The following SLC39A8 variants were observed in gnomAD, a reference collection of about 807,000 sequenced individuals.
The protein encoded by SLC39A8 is metal cation symporter ZIP8.
In SLC39A8, 15 loss-of-function variants were observed where a neutral mutation model predicts 40.4. That is an observed-to-expected ratio of 0.37 (90% CI 0.25 to 0.57). The LOEUF (loss-of-function observed/expected upper bound fraction) is 0.57, where lower values mean the gene tolerates loss of function less well. Ranked by LOEUF, SLC39A8 falls within the 20% of genes least tolerant of loss-of-function variation. The probability of loss-of-function intolerance (pLI) is 0.75; values close to 1 mark genes in which losing one functional copy is unlikely to be tolerated. For missense variants in SLC39A8, 472 were observed against 558.8 expected (o/e 0.84, Z 1.57); for synonymous variants, 223 against 221.6 (o/e 1.01, Z -0.06).
intron 6 of SLC39A8, among the ~76,000 whole-genome samples, chr4:102,294,802 A>G (rs1278348243): frequency 2.0e-5 from 3 of 152,132 alleles, no homozygotes; most frequent in Admixed American, 2.0e-4. Context: ...TGAATAGGAA[A>G]CATAAAAGTA....
chr4:102,343,417 A>C (rs1736025643), intron 2 of SLC39A8, among the ~76,000 whole-genome samples: 1 of 152,220 alleles, frequency 6.6e-6, no homozygotes, highest in Non-Finnish European at 1.5e-5. Context: ...TTTCCCAAAC[A>C]TCTTGGACCC....
At chr4:102,283,353 A>G (rs1227314341) in intron 6 of SLC39A8, among the ~76,000 whole-genome samples, 2 of 152,228 alleles carry the variant, frequency 1.3e-5, no homozygotes, top group South Asian at 2.1e-4. Flanking sequence ...GATACTGCTC[A>G]AGAGAATTGA....
chr4:102,263,404 G>A (rs1242952399), intron 8 of SLC39A8, among the ~76,000 whole-genome samples: 1 of 152,128 alleles, frequency 6.6e-6, no homozygotes, highest in African/African-American at 2.4e-5. Context: ...TATTAAGTGT[G>A]CAATAGCATA....
chr4:102,321,110 A>C (rs1269682029), intron 2 of SLC39A8, among the ~76,000 whole-genome samples: 1 of 152,140 alleles, frequency 6.6e-6, no homozygotes, highest in Admixed American at 6.5e-5. Context: ...TCCATCAGCA[A>C]ACTTAAATCA....
downstream of SLC39A8, among the ~76,000 whole-genome samples, chr4:102,260,003 A>G (rs771336599): frequency 6.6e-6 from 1 of 152,238 alleles, no homozygotes; most frequent in Non-Finnish European, 1.5e-5. Flanking sequence ...GTAAATAAAT[A>G]GTACTCACAG....
At chr4:102,276,712 T>C (rs1732633600) in intron 6 of SLC39A8, among the ~76,000 whole-genome samples, 1 of 152,176 alleles carries the variant, frequency 6.6e-6, no homozygotes, top group Non-Finnish European at 1.5e-5. Context: ...CTAATATCCC[T>C]GATGAACATC....
chr4:102,264,101 G>A lies in SLC39A8; in HGVS notation c.1234-908C>T, dbSNP rs374447725. ...AAATGTTCTTCATATCATCTAGAAG[G>A]ATAAGTCCTTTCTAGAAAGTTTTCA... On this transcript the variant is annotated intron_variant, in intron 8 of 8. Coordinates refer to ENST00000356736, the MANE Select transcript of SLC39A8 (RefSeq NM_001135146.2). Among the ~76,000 whole-genome samples the A allele has an allele frequency of 2.6e-5, 4 of 152,158 alleles. No individual in the cohort carries two copies. In the South Asian group the frequency reaches 8.3e-4, roughly 32 times the overall value.
chr4:102,284,703 C>T (rs2149018526), intron 6 of SLC39A8, among the ~76,000 whole-genome samples: 1 of 152,134 alleles, frequency 6.6e-6, no homozygotes, highest in South Asian at 2.1e-4. Context: ...ATCAAAGTCA[C>T]AAACACTATA....
chr4:102,328,551 T>C (rs1735314151), intron 2 of SLC39A8, among the ~76,000 whole-genome samples: 1 of 152,194 alleles, frequency 6.6e-6, no homozygotes, highest in Admixed American at 6.5e-5. Flanking sequence ...TTTAAAAATT[T>C]ATCAGTTAAA....
intron 6 of SLC39A8, among the ~76,000 whole-genome samples, chr4:102,275,944 A>G (rs1732598540): frequency 1.3e-5 from 2 of 152,274 alleles, no homozygotes; most frequent in African/African-American, 4.8e-5. Flanking sequence ...CAATGAGAAC[A>G]AAGACACAAC....
intron 2 of SLC39A8, among the ~76,000 whole-genome samples, chr4:102,342,426 A>C (rs1735981724): frequency 6.6e-6 from 1 of 152,080 alleles, no homozygotes; most frequent in South Asian, 2.1e-4. Context: ...TTGAACCCAG[A>C]GGGGGAGGTT....
intron 3 of SLC39A8, among the ~76,000 whole-genome samples, chr4:102,311,812 C>A (rs983552077): frequency 1.9e-4 from 29 of 152,114 alleles, no homozygotes; most frequent in African/African-American, 6.7e-4. Flanking sequence ...ATTTTTGTAT[C>A]ATTTGGATTG....
chr4:102,301,201 T>C (rs1475643097), intron 6 of SLC39A8, among the ~76,000 whole-genome samples: 6 of 152,022 alleles, frequency 3.9e-5, no homozygotes, highest in African/African-American at 1.2e-4. Flanking sequence ...CACAGTTGTT[T>C]TCATTCAGAA....
intron 6 of SLC39A8, among the ~76,000 whole-genome samples, chr4:102,272,851 C>T (rs1732433339): frequency 6.6e-6 from 1 of 152,070 alleles, no homozygotes; most frequent in African/African-American, 2.4e-5. Context: ...AGCCGGGGAC[C>T]TCCCTCCTGG....
At chr4:102,295,621 C>T (rs1168334953) in intron 6 of SLC39A8, among the ~76,000 whole-genome samples, 2 of 152,066 alleles carry the variant, frequency 1.3e-5, no homozygotes, top group Non-Finnish European at 2.9e-5. Flanking sequence ...TCTTCAGCTC[C>T]TGGACTCAAG....
intron 2 of SLC39A8, among the ~76,000 whole-genome samples, chr4:102,320,196 T>TC (rs1734858344): frequency 1.5e-5 from 2 of 137,502 alleles, no homozygotes; most frequent in African/African-American, 2.7e-5. Context: ...TATATGTATA[T>TC]ATATATGTAT....
intron 2 of SLC39A8, among the ~76,000 whole-genome samples, chr4:102,337,595 C>A (rs952828526): frequency 6.6e-6 from 1 of 152,192 alleles, no homozygotes; most frequent in Non-Finnish European, 1.5e-5. Flanking sequence ...CTCTTCCCTC[C>A]TTGCTTCAAC....
chr4:102,304,047 A>G (rs1299423995), intron 6 of SLC39A8, among the ~76,000 whole-genome samples: 1 of 151,894 alleles, frequency 6.6e-6, no homozygotes, highest in African/African-American at 2.4e-5. Flanking sequence ...TATAAATGCA[A>G]TTGAGAGACT....
chr4:102,338,434 C>A (rs1386371011), intron 2 of SLC39A8, among the ~76,000 whole-genome samples: 2 of 152,126 alleles, frequency 1.3e-5, no homozygotes, highest in African/African-American at 4.8e-5. Flanking sequence ...GATCTGCCCC[C>A]CTCAGCCTCC....
Sources: allele counts gnomAD v4.1 joint callset (sites outside exome capture counted in the v4.1 genomes callset), GRCh38; gene constraint gnomAD v4.1.1; transcripts MANE v1.5; gene names NCBI Gene and HGNC (gene_info 2026-07-23, HGNC 2026-07-21).